The following MSH4 variants were observed in gnomAD, a reference collection of about 807,000 sequenced individuals.
The protein encoded by MSH4 is mutS homolog 4, also known as mutS protein homolog 4.
In MSH4, 106 loss-of-function variants were observed where a neutral mutation model predicts 113.7. The ratio of observed to expected loss-of-function variants is 0.93; its 90% CI spans 0.80 to 1.10. The LOEUF is 1.10. MSH4 is among the 50% of genes least tolerant of loss of function. The pLI is 0.00. For missense variants in MSH4, 1,061 were observed against 1,093.7 expected (o/e 0.97, Z 0.42); for synonymous variants, 368 against 380.2 (o/e 0.97, Z 0.37).
intron 1 of MSH4, 102 bp from the exon 2 acceptor site, chr1:75,803,629 A>C (rs1005617209): frequency 5.4e-6 from 5 of 929,798 alleles, no homozygotes; most frequent in Non-Finnish European, 7.5e-6. Flanking sequence ...AAAAAGAAAA[A>C]AAGAAAAAAA....
intron 6 of MSH4, among the ~76,000 whole-genome samples, chr1:75,820,419 G>T (rs1210787086): frequency 2.0e-5 from 3 of 152,128 alleles, no homozygotes; most frequent in Non-Finnish European, 4.4e-5. Flanking sequence ...TGTATCTCTG[G>T]TAGAATTTGG....
At chr1:75,834,079 A>T (rs1266739538) in intron 7 of MSH4, among the ~76,000 whole-genome samples, 1 of 152,222 alleles carries the variant, frequency 6.6e-6, no homozygotes, top group African/African-American at 2.4e-5. Flanking sequence ...ACTTAAACAA[A>T]TGTACAAGAA....
intron 17 of MSH4, among the ~76,000 whole-genome samples, chr1:75,893,912 C>T (rs1027571906): frequency 1.3e-5 from 2 of 152,066 alleles, no homozygotes; most frequent in Non-Finnish European, 2.9e-5. Context: ...AAAAACAGAC[C>T]AAAAGTTGGC....
intron 7 of MSH4, among the ~76,000 whole-genome samples, chr1:75,824,790 G>C (rs1486789336): frequency 6.6e-6 from 1 of 151,860 alleles, no homozygotes; most frequent in Non-Finnish European, 1.5e-5. Context: ...TATTTCTCAG[G>C]TCTCTGTTCT....
intron 5 of MSH4, 76 bp downstream of exon 5, chr1:75,815,212 A>G: frequency 1.3e-6 from 1 of 772,244 alleles, no homozygotes; most frequent in Non-Finnish European, 2.0e-6. Context: ...TAACTTAAGG[A>G]AAGTAAATAA....
At chr1:75,797,584 A>T (rs942810275) in intron 1 of MSH4, among the ~76,000 whole-genome samples, 1 of 152,240 alleles carries the variant, frequency 6.6e-6, no homozygotes, top group South Asian at 2.1e-4. Flanking sequence ...CTAAGGTGGG[A>T]TAAAATAGAT....
Position 75,810,725 on chromosome 1 carries a change from C to T in MSH4, c.617C>T (p.Pro206Leu), listed in dbSNP as rs368122707. The T allele has an allele frequency of 1.3e-6, 2 of 1,574,802 alleles. No homozygotes were observed. The highest frequency in any genetic ancestry group is 1.7e-6 in the Non-Finnish European group (2 of 1,162,932). Residue 206 changes from proline (P) to leucine (L), a missense_variant, in exon 4 of 20, where the codon CCT becomes CTT. Transcript: ENST00000263187. ...ATCACTAAACTTAAAATTTTATCAC[C>T]TTTGGAAATAATAATGTCAAATACT... is the stretch of plus-strand genomic sequence containing the variant. ...KVITKLKILSPLEIIMSNTAC... is the reference protein window; with the variant it reads ...KVITKLKILSLLEIIMSNTAC...
At position 75,841,012 on chromosome 1, in the gene MSH4, A is replaced by C. The variant is rs551274707; in HGVS notation, c.1163-7197A>C. Among the ~76,000 whole-genome samples the C allele has an allele frequency of 5.1e-3, 779 of 152,306 alleles. 6 individuals carry two copies. The highest frequency in any genetic ancestry group is 0.018 in the African/African-American group (733 of 41,564). On this transcript the variant is annotated intron_variant, in intron 7 of 19. Coordinates refer to ENST00000263187, the MANE Select transcript of MSH4 (RefSeq NM_002440.4). ...AGGATTTTAGCAACAGGAGAATCCT[A>C]GCAGTGATATTCGAGATGAAGGGAA...
chr1:75,804,631 C>T (rs1278764881), intron 2 of MSH4, among the ~76,000 whole-genome samples: 2 of 150,234 alleles, frequency 1.3e-5, no homozygotes, highest in African/African-American at 4.9e-5. Context: ...CTGCCTCAGC[C>T]TCCTGAGTAG....
At chr1:75,846,390 C>T (rs1651079182) in intron 7 of MSH4, among the ~76,000 whole-genome samples, 1 of 152,094 alleles carries the variant, frequency 6.6e-6, no homozygotes, top group Admixed American at 6.6e-5. Context: ...AGTATTTCTC[C>T]CTTCTCTCAT....
intron 8 of MSH4, among the ~76,000 whole-genome samples, chr1:75,851,873 AGATGT>A (rs1480023309): frequency 2.0e-5 from 3 of 152,216 alleles, no homozygotes; most frequent in African/African-American, 7.2e-5. Context: ...AGCTTTATTG[AGATGT>A]AATTACATAG....
At chr1:75,833,279 T>TA (rs1449484769) in intron 7 of MSH4, among the ~76,000 whole-genome samples, 3 of 152,028 alleles carry the variant, frequency 2.0e-5, no homozygotes, top group African/African-American at 7.2e-5. Context: ...CTCAACGAAA[T>TA]AAAAGAGGAC....
At chr1:75,824,526 G>A (rs957384204) in intron 7 of MSH4, among the ~76,000 whole-genome samples, 2 of 152,034 alleles carry the variant, frequency 1.3e-5, no homozygotes, top group Non-Finnish European at 2.9e-5. Context: ...TTTTGGTGTT[G>A]TAGTCATGAA....
chr1:75,878,937 C>T lies in MSH4; in HGVS notation c.1541-55C>T, dbSNP rs1651872559. On this transcript the variant is annotated intron_variant, in intron 11 of 19. Coordinates refer to ENST00000263187, the MANE Select transcript of MSH4 (RefSeq NM_002440.4). Reference sequence around the variant, plus strand: ...CTCTTTAAAACAGAGTGATTTTTCTCATTAAAATTTATTCATTTTGTTTTG... The same window carrying T: ...CTCTTTAAAACAGAGTGATTTTTCTTATTAAAATTTATTCATTTTGTTTTG... 8 of 1,470,332 alleles carry T rather than the reference C, an allele frequency of 5.4e-6. No homozygotes were observed. The South Asian group carries it at 9.5e-5, about 17-fold the overall frequency. The allele number at this position is 1,470,332 out of a possible 1,614,324, so 91.1% of individuals were successfully genotyped here.
intron 9 of MSH4, 76 bp from the exon 10 acceptor site, chr1:75,876,860 A>G: frequency 1.3e-6 from 1 of 785,226 alleles, no homozygotes; most frequent in Non-Finnish European, 2.0e-6. Context: ...ATAAAGTATT[A>G]AACAACTGTA....
At chr1:75,886,708 TTATA>T (rs573117313) in intron 15 of MSH4, among the ~76,000 whole-genome samples, 1,690 of 135,860 alleles carry the variant, frequency 0.012, 43 homozygotes, top group African/African-American at 0.044. Flanking sequence ...TATAAATATA[TTATA>T]TATAAATGTA....
intron 7 of MSH4, among the ~76,000 whole-genome samples, chr1:75,832,191 A>T (rs1292335377): frequency 6.6e-6 from 1 of 152,236 alleles, no homozygotes; most frequent in Non-Finnish European, 1.5e-5. Flanking sequence ...TCTAGAAGAA[A>T]TGGATAAATT....
intron 2 of MSH4, among the ~76,000 whole-genome samples, chr1:75,805,198 C>T (rs975404680): frequency 2.0e-5 from 3 of 151,042 alleles, no homozygotes; most frequent in Non-Finnish European, 4.4e-5. Context: ...TAAAAGACAT[C>T]TCTAAGGTTC....
chr1:75,889,612 A>G (rs1323434672), intron 16 of MSH4, among the ~76,000 whole-genome samples: 1 of 152,152 alleles, frequency 6.6e-6, no homozygotes, highest in Non-Finnish European at 1.5e-5. Context: ...AAGTGTGCCT[A>G]AATGTTTTTA....
Sources: allele counts gnomAD v4.1 joint callset (sites outside exome capture counted in the v4.1 genomes callset), GRCh38; gene constraint gnomAD v4.1.1; transcripts MANE v1.5; gene names NCBI Gene and HGNC (gene_info 2026-07-23, HGNC 2026-07-21).